ABCA12: variants seen among roughly 807,000 people sequenced by gnomAD.
ABCA12 encodes the protein ATP binding cassette subfamily A member 12, also known as glucosylceramide transporter ABCA12.
A neutral mutation model predicts 293.5 loss-of-function variants in ABCA12; 156 were observed. The observed-to-expected ratio is 0.53, with a 90% CI of 0.47 to 0.61. ABCA12 has a LOEUF of 0.61. Ranked by LOEUF, ABCA12 falls within the 20% of genes least tolerant of loss-of-function variation. The pLI, the probability that ABCA12 is intolerant of heterozygous loss-of-function variation, is 0.00. For missense variants in ABCA12, 2,797 were observed against 3,090.2 expected (o/e 0.91, Z 2.25); for synonymous variants, 1,063 against 1,108.0 (o/e 0.96, Z 0.81).
intron 22 of ABCA12, chr2:214,999,708 G>C (rs1700102243): frequency 1.6e-6 from 1 of 643,426 alleles, no homozygotes; most frequent in South Asian, 7.0e-5. Flanking sequence ...TTCACACATA[G>C]TTCGGGCAGC....
intron 11 of ABCA12, among the ~76,000 whole-genome samples, chr2:215,020,333 C>A (rs1401756755): frequency 1.4e-5 from 2 of 142,426 alleles, no homozygotes; most frequent in East Asian, 4.0e-4. Flanking sequence ...TATTATTAAA[C>A]CTTAAAAAGG....
chr2:215,015,570 G>A lies in ABCA12; in HGVS notation c.1876C>T (p.Leu626Phe). ...DAMKEFCNLS[L>F]SERSRQSYLI... ...TAAGACTGCCGGGATCTCTCTGAAA[G>A]AGACAGGTTGCAGAATTCTTTCATT... Residue 626 changes from leucine (L) to phenylalanine (F), a missense_variant, in exon 15 of 53, where the codon CTT (leucine) becomes TTT (phenylalanine). By Grantham distance (22) the Leu-to-Phe change is conservative (BLOSUM62 0). This residue lies in a region of ABCA12 where 2,130 missense variants were observed against 2,427.0 expected (regional missense o/e 0.88). Transcript: ENST00000272895. 6.2e-7 allele frequency: 1 copy of A among 1,614,134 alleles called. No individual in the cohort carries two copies. Among genetic ancestry groups the A allele is most frequent in the Non-Finnish European group, 8.5e-7 (1 of 1,179,996 alleles).
At chr2:215,032,418 C>T (rs1314047994) in intron 8 of ABCA12, 1 of 184,194 alleles carries the variant, frequency 5.4e-6, no homozygotes. Context: ...TGCAAATTGA[C>T]TGATGTTAAC....
chr2:214,975,419 A>G (rs998274581), intron 34 of ABCA12, among the ~76,000 whole-genome samples: 8 of 152,210 alleles, frequency 5.3e-5, no homozygotes, highest in African/African-American at 1.9e-4. Context: ...TATATGTAAC[A>G]TTATATTACA....
intron 40 of ABCA12, among the ~76,000 whole-genome samples, 154 bp downstream of exon 40, chr2:214,958,870 G>C (rs1027926623): frequency 3.3e-5 from 5 of 152,170 alleles, no homozygotes; most frequent in African/African-American, 1.2e-4. Context: ...CTACACCCTT[G>C]CAGAAACTTC....
At chr2:215,073,706 G>A (rs1053881223) in intron 2 of ABCA12, among the ~76,000 whole-genome samples, 6 of 152,210 alleles carry the variant, frequency 3.9e-5, no homozygotes, top group Non-Finnish European at 8.8e-5. Flanking sequence ...TTCTGATTGA[G>A]GAGGGAAGTG....
At chr2:214,976,174 A>T in intron 33 of ABCA12, 137 bp from the exon 34 acceptor site, 1 of 1,244,246 alleles carries the variant, frequency 8.0e-7, no homozygotes, top group South Asian at 1.3e-5. Context: ...AGGTTCAGCA[A>T]TGTTATTTCT....
chr2:215,036,467 T>C (rs768525928), intron 8 of ABCA12, among the ~76,000 whole-genome samples: 4 of 152,322 alleles, frequency 2.6e-5, no homozygotes, highest in South Asian at 2.1e-4. Flanking sequence ...TATGTGTCTG[T>C]GTGTATGTAG....
chr2:215,126,334 C>G (rs540812039), intron 1 of ABCA12, among the ~76,000 whole-genome samples: 1 of 152,104 alleles, frequency 6.6e-6, no homozygotes, highest in Admixed American at 6.6e-5. Context: ...GGTGGGGGTT[C>G]CTTCTTTCTC....
At position 215,077,626 on chromosome 2, in the gene ABCA12, C is replaced by T. The variant is rs1266475140; in HGVS notation, c.164-13407G>A. Among the ~76,000 whole-genome samples, 12 of 152,274 alleles carry T rather than the reference C, an allele frequency of 7.9e-5. No homozygotes were observed. In the East Asian group the frequency reaches 1.5e-3, roughly 20 times the overall value. ...TCTGCTATTGTGTTTACTCCATTAC[C>T]GAGCTAAATTAAGTCCTGCAAGAGT... On this transcript the variant is annotated intron_variant, in intron 2 of 52. Coordinates refer to ENST00000272895, the MANE Select transcript of ABCA12 (RefSeq NM_173076.3).
chr2:214,972,550 C>G (rs1020788527), intron 36 of ABCA12, among the ~76,000 whole-genome samples: 9 of 151,938 alleles, frequency 5.9e-5, no homozygotes, highest in Non-Finnish European at 8.8e-5. Context: ...TGGGACTACA[C>G]GTGCACACCA....
intron 1 of ABCA12, among the ~76,000 whole-genome samples, chr2:215,134,386 ATATATG>A (rs907412701): frequency 4.4e-5 from 6 of 135,888 alleles, no homozygotes; most frequent in Admixed American, 1.5e-4. Flanking sequence ...ATATATGTAC[ATATATG>A]TATATGTGTA....
intron 2 of ABCA12, among the ~76,000 whole-genome samples, chr2:215,090,611 A>G (rs958662718): frequency 2.0e-5 from 3 of 152,020 alleles, no homozygotes; most frequent in African/African-American, 7.3e-5. Flanking sequence ...ACTCGAGAAG[A>G]CAGTCTTCCC....
intron 40 of ABCA12, among the ~76,000 whole-genome samples, chr2:214,958,811 G>A (rs188982263): frequency 6.5e-4 from 99 of 152,272 alleles, no homozygotes; most frequent in Admixed American, 2.2e-3. Context: ...TATAAAAGCA[G>A]CAAACGCTGT....
intron 34 of ABCA12, 133 bp from the exon 35 acceptor site, chr2:214,974,997 G>T: frequency 2.5e-6 from 2 of 797,962 alleles, no homozygotes; most frequent in Non-Finnish European, 2.1e-6. Context: ...GAGTCTTGCC[G>T]TGTTGCCCAG....
At chr2:214,954,416 T>A (rs1467797474) in intron 43 of ABCA12, among the ~76,000 whole-genome samples, 1 of 152,082 alleles carries the variant, frequency 6.6e-6, no homozygotes, top group Non-Finnish European at 1.5e-5. Context: ...TGTGTTGGGG[T>A]CTGTTACACG....
At chr2:215,124,216 G>T (rs576313382) in intron 1 of ABCA12, among the ~76,000 whole-genome samples, 1 of 152,292 alleles carries the variant, frequency 6.6e-6, no homozygotes, top group Non-Finnish European at 1.5e-5. Flanking sequence ...TGTGCATTGT[G>T]CTGCTATAAA....
chr2:215,026,775 G>T, intron 10 of ABCA12, 45 bp downstream of exon 10: 1 of 1,472,102 alleles, frequency 6.8e-7, no homozygotes, highest in Non-Finnish European at 9.5e-7. Flanking sequence ...TTAGAACAGA[G>T]GTAGAAACCA....
intron 20 of ABCA12, among the ~76,000 whole-genome samples, chr2:215,003,062 A>T (rs992806630): frequency 1.3e-5 from 2 of 152,226 alleles, no homozygotes; most frequent in Non-Finnish European, 2.9e-5. Context: ...TGACTATCAT[A>T]ATATGTGTAC....
Sources: allele counts gnomAD v4.1 joint callset (sites outside exome capture counted in the v4.1 genomes callset), GRCh38; gene constraint gnomAD v4.1.1; regional missense constraint gnomAD v4.1.1; transcripts MANE v1.5; gene names NCBI Gene and HGNC (gene_info 2026-07-23, HGNC 2026-07-21).